GMDS: variants seen among roughly 807,000 people sequenced by gnomAD.
The protein encoded by GMDS is GDP-mannose 4,6 dehydratase.
In GMDS, 20 loss-of-function variants were observed where a neutral mutation model predicts 49.9. That is an observed-to-expected ratio of 0.40 (90% CI 0.28 to 0.58). The LOEUF (loss-of-function observed/expected upper bound fraction) is 0.58, where lower values mean the gene tolerates loss of function less well. GMDS is among the 20% of genes least tolerant of loss of function. The pLI, the probability that GMDS is intolerant of heterozygous loss-of-function variation, is 0.42. For missense variants in GMDS, 362 were observed against 481.4 expected, an observed-to-expected ratio of 0.75 and a Z score of 2.32; for synonymous variants, 177 against 178.6, an observed-to-expected ratio of 0.99 and a Z score of 0.07.
At chr6:1,993,415 G>A (rs1318252202) in intron 4 of GMDS, among the ~76,000 whole-genome samples, 1 of 152,176 alleles carries the variant, frequency 6.6e-6, no homozygotes, top group East Asian at 1.9e-4. Flanking sequence ...ACTCCTGAGA[G>A]CAAGGTCTGT....
chr6:1,663,324 C>T (rs530235488), intron 9 of GMDS, among the ~76,000 whole-genome samples: 2 of 152,240 alleles, frequency 1.3e-5, no homozygotes, highest in African/African-American at 4.8e-5. Flanking sequence ...ATTTAGGAGC[C>T]CAGCTCAGTC....
chr6:2,200,034 T>C (rs553893960), intron 1 of GMDS, among the ~76,000 whole-genome samples: 11 of 152,336 alleles, frequency 7.2e-5, no homozygotes, highest in African/African-American at 2.6e-4. Flanking sequence ...TGGAAATCTC[T>C]GCCTTGTACA....
intron 7 of GMDS, among the ~76,000 whole-genome samples, chr6:1,794,993 C>A (rs1044846288): frequency 6.6e-6 from 1 of 151,962 alleles, no homozygotes; most frequent in South Asian, 2.1e-4. Context: ...AGTTTGAGAC[C>A]AGCCTGGGAA....
rs559626701 is a variant in GMDS at position 1,969,058 on chromosome 6, A to G, written c.346-8092T>C. Among the ~76,000 whole-genome samples the G allele has an allele frequency of 3.3e-3, 494 of 151,914 alleles. 2 individuals carry two copies. Among genetic ancestry groups the G allele is most frequent in the African/African-American group, 0.011 (451 of 41,442 alleles). On this transcript the variant is annotated intron_variant, in intron 4 of 10. Coordinates refer to ENST00000380815, the MANE Select transcript of GMDS (RefSeq NM_001500.4). ...GGGCGGATCACGAGGTCAGGAGATC[A>G]AGACCATCCTGGCTAACACGGTGAA... is the stretch of plus-strand genomic sequence containing the variant.
intron 7 of GMDS, among the ~76,000 whole-genome samples, chr6:1,851,705 T>C (rs538534019): frequency 2.6e-5 from 4 of 152,086 alleles, no homozygotes; most frequent in African/African-American, 9.6e-5. Context: ...CACTGAACAC[T>C]ATATTTTTTA....
intron 9 of GMDS, among the ~76,000 whole-genome samples, chr6:1,680,147 A>G (rs916299106): frequency 2.0e-5 from 3 of 152,222 alleles, no homozygotes; most frequent in Admixed American, 6.5e-5. Flanking sequence ...CTGGTCACAA[A>G]GAGGAAATTC....
At chr6:1,834,809 C>A (rs150593492) in intron 7 of GMDS, among the ~76,000 whole-genome samples, 1 of 152,086 alleles carries the variant, frequency 6.6e-6, no homozygotes, top group Non-Finnish European at 1.5e-5. Flanking sequence ...ATCCAGGTCC[C>A]GGGAACCCTG....
At chr6:1,695,902 T>C (rs1004903013) in intron 9 of GMDS, among the ~76,000 whole-genome samples, 20 of 141,884 alleles carry the variant, frequency 1.4e-4, no homozygotes, top group Middle Eastern at 3.5e-3. Flanking sequence ...TTCTTTTCTG[T>C]CTTGGTTTTT....
chr6:1,656,591 G>A (rs536377963), intron 9 of GMDS, among the ~76,000 whole-genome samples: 5 of 152,056 alleles, frequency 3.3e-5, no homozygotes, highest in South Asian at 2.1e-4. Flanking sequence ...GTGAAACCCC[G>A]TCTCTACTAA....
chr6:2,090,480 T>C (rs558111644), intron 4 of GMDS, among the ~76,000 whole-genome samples: 2 of 152,338 alleles, frequency 1.3e-5, no homozygotes, highest in South Asian at 4.1e-4. Context: ...TGATGTATAT[T>C]CTAAGTATCA....
intron 7 of GMDS, among the ~76,000 whole-genome samples, chr6:1,774,027 G>A (rs1009653221): frequency 6.6e-6 from 1 of 152,138 alleles, no homozygotes; most frequent in African/African-American, 2.4e-5. Flanking sequence ...CAAACATGAC[G>A]TACAAAAATT....
intron 8 of GMDS, 58 bp from the exon 9 acceptor site, chr6:1,726,570 C>T: frequency 7.9e-7 from 1 of 1,270,800 alleles, no homozygotes; most frequent in Non-Finnish European, 1.2e-6. Context: ...TTTGGCCATG[C>T]TGTAGCACCT....
chr6:2,122,625 T>G (rs1260537157), intron 2 of GMDS, among the ~76,000 whole-genome samples: 5 of 152,226 alleles, frequency 3.3e-5, no homozygotes, highest in Admixed American at 3.3e-4. Flanking sequence ...TGTGCCACCA[T>G]CAGATTCCTC....
At chr6:2,202,103 C>T (rs577818740) in intron 1 of GMDS, among the ~76,000 whole-genome samples, 40 of 142,424 alleles carry the variant, frequency 2.8e-4, no homozygotes, top group East Asian at 2.6e-3. Flanking sequence ...CATGCACATC[C>T]GAGATGTAAC....
At chr6:2,158,238 T>C (rs1413523556) in intron 1 of GMDS, among the ~76,000 whole-genome samples, 1 of 152,198 alleles carries the variant, frequency 6.6e-6, no homozygotes, top group Admixed American at 6.5e-5. Context: ...TACATACATA[T>C]ATAATAGTTT....
At chr6:1,690,744 A>G (rs1471193250) in intron 9 of GMDS, among the ~76,000 whole-genome samples, 1 of 152,258 alleles carries the variant, frequency 6.6e-6, no homozygotes, top group Non-Finnish European at 1.5e-5. Flanking sequence ...TATGCAGCCA[A>G]CAAACATATA....
In GMDS at chr6:1,743,069, T is replaced by C. The variant is rs376168111; in HGVS notation, c.772-483A>G. 8.3e-4 allele frequency among the ~76,000 whole-genome samples: 126 copies of C among 152,346 alleles called. 1 individual carries two copies. Among genetic ancestry groups the C allele is most frequent in the African/African-American group, 2.6e-3 (110 of 41,576 alleles). ...TGTCCTCAAAAGTAGAACTTAATTT[T>C]TGAACAATAAAGTTGAGAAGGTACT... is the stretch of plus-strand genomic sequence containing the variant. On this transcript the variant is annotated intron_variant, in intron 7 of 10. Coordinates refer to ENST00000380815, the MANE Select transcript of GMDS (RefSeq NM_001500.4).
chr6:1,760,858 G>T (rs1003017278), intron 7 of GMDS, among the ~76,000 whole-genome samples: 2 of 152,122 alleles, frequency 1.3e-5, no homozygotes, highest in East Asian at 3.8e-4. Flanking sequence ...TGTTCTTTCG[G>T]GTGGTCCAAT....
chr6:2,082,359 CAGA>C (rs539686850), intron 4 of GMDS, among the ~76,000 whole-genome samples: 86 of 152,274 alleles, frequency 5.6e-4, no homozygotes, highest in Non-Finnish European at 7.9e-4. Flanking sequence ...AGACAGTCAA[CAGA>C]AGGAGACAAA....
Sources: allele counts gnomAD v4.1 joint callset (sites outside exome capture counted in the v4.1 genomes callset), GRCh38; gene constraint gnomAD v4.1.1; transcripts MANE v1.5; gene names NCBI Gene and HGNC (gene_info 2026-07-23, HGNC 2026-07-21).